Variants in IGSF21 observed in about 807,000 individuals in gnomAD.
IGSF21 encodes immunoglobin superfamily member 21.
Under a neutral mutation model 46.8 loss-of-function variants are expected in IGSF21, and 28 were observed. That is an observed-to-expected ratio of 0.60 (90% CI 0.44 to 0.82). The LOEUF (loss-of-function observed/expected upper bound fraction) is 0.82, where lower values mean the gene tolerates loss of function less well. IGSF21 is among the 40% of genes least tolerant of loss of function. The pLI is 0.00. For missense variants in IGSF21, 624 were observed against 665.5 expected (o/e 0.94, Z 0.69); for synonymous variants, 284 against 273.6 (o/e 1.04, Z -0.38).
At chr1:18,141,987 T>G (rs1423513672) in intron 1 of IGSF21, among the ~76,000 whole-genome samples, 5 of 152,118 alleles carry the variant, frequency 3.3e-5, no homozygotes, top group Non-Finnish European at 7.4e-5. Context: ...GGAGGATTAC[T>G]TGAGCCCCGG....
intron 2 of IGSF21, among the ~76,000 whole-genome samples, chr1:18,247,169 T>A (rs532241856): frequency 6.6e-6 from 1 of 150,516 alleles, no homozygotes; most frequent in African/African-American, 2.4e-5. Flanking sequence ...ACTGCCACTC[T>A]ACCCGTTTTC....
At chr1:18,261,600 T>C (rs1018479391) in intron 2 of IGSF21, among the ~76,000 whole-genome samples, 42 of 152,248 alleles carry the variant, frequency 2.8e-4, no homozygotes, top group African/African-American at 9.6e-4. Context: ...CAACTGCCTC[T>C]GAGCTATGAC....
chr1:18,306,110 G>A (rs2085424151), intron 3 of IGSF21, among the ~76,000 whole-genome samples: 1 of 152,122 alleles, frequency 6.6e-6, no homozygotes, highest in Non-Finnish European at 1.5e-5. Flanking sequence ...CCCTCCATGG[G>A]CTTCCCACTC....
chr1:18,375,411 C>A (rs183079278), intron 6 of IGSF21, among the ~76,000 whole-genome samples: 3 of 152,258 alleles, frequency 2.0e-5, no homozygotes. Context: ...CTACATTATC[C>A]GTGGAGCTCT....
rs7522562 is a variant in IGSF21, at chr1:18,375,170, C to T, written c.1016-1140C>T. Among the ~76,000 whole-genome samples, 1,142 of 152,268 alleles carry T rather than the reference C, an allele frequency of 7.5e-3. 11 individuals carry two copies. Among genetic ancestry groups the T allele is most frequent in the Middle Eastern group, 0.037 (11 of 294 alleles). On this transcript the variant is annotated intron_variant, in intron 6 of 9. Transcript: ENST00000251296. ...GCACTGTCACTCTCATCCTGTTTTG[C>T]GTATGTGTTTGTTTGCTTATGAACT...
At chr1:18,282,915 G>A (rs1234668219) in intron 2 of IGSF21, among the ~76,000 whole-genome samples, 1 of 152,150 alleles carries the variant, frequency 6.6e-6, no homozygotes, top group Non-Finnish European at 1.5e-5. Flanking sequence ...AGCCTCGTAG[G>A]CAGCCTGGAA....
In IGSF21 at chr1:18,337,807, C is replaced by A. The variant is rs968701836; in HGVS notation, c.424+2797C>A. Among the ~76,000 whole-genome samples the A allele has an allele frequency of 6.6e-6, 1 of 152,186 alleles. No individual in the cohort carries two copies. The stretch of plus-strand genomic sequence containing the variant: ...TTTCACATTGAGGACATCATCCAAT[C>A]CTCACTGCAGATCGGCGCGTGGGGG... On this transcript the variant is annotated intron_variant, in intron 4 of 9. Transcript: ENST00000251296. The surrounding 1 kb of genome is among the most constrained non-coding windows in gnomAD (Gnocchi z 5.7).
chr1:18,310,753 C>A (rs534762207), intron 3 of IGSF21, among the ~76,000 whole-genome samples: 1 of 152,300 alleles, frequency 6.6e-6, no homozygotes, highest in South Asian at 2.1e-4. Flanking sequence ...AGTCTGAAAT[C>A]AAGGTGTTGG....
In IGSF21 at chr1:18,337,447, T is replaced by C. The variant is rs1235007571; in HGVS notation, c.424+2437T>C. Reference sequence around the variant, plus strand: ...TTATCACTGTCTCTGATGTGCCCACTCCTGGGCACAACTGTGTCTGCCTCC... The same window carrying C: ...TTATCACTGTCTCTGATGTGCCCACCCCTGGGCACAACTGTGTCTGCCTCC... On this transcript the variant is annotated intron_variant, in intron 4 of 9. Transcript: ENST00000251296. The surrounding 1 kb of genome is among the most constrained non-coding windows in gnomAD (Gnocchi z 5.7). 2.0e-5 allele frequency among the ~76,000 whole-genome samples: 3 copies of C among 152,182 alleles called. No homozygotes were observed. The highest frequency in any genetic ancestry group is 4.4e-5 in the Non-Finnish European group (3 of 68,020).
rs149989644 is a variant in IGSF21 at position 18,264,668 on chromosome 1, C to T, written c.184-27198C>T. ...ACAGAACATACAGGAGCTATGTCTG[C>T]CCCCAGACCGGTTGGTGCAAATGTA... On this transcript the variant is annotated intron_variant, in intron 2 of 9. Transcript: ENST00000251296. Among the ~76,000 whole-genome samples the T allele has an allele frequency of 1.9e-3, 284 of 152,292 alleles. 1 individual carries two copies. The highest frequency in any genetic ancestry group is 6.4e-3 in the African/African-American group (265 of 41,556).
chr1:18,172,697 A>C (rs2086750907), intron 1 of IGSF21, among the ~76,000 whole-genome samples: 1 of 152,214 alleles, frequency 6.6e-6, no homozygotes, highest in Non-Finnish European at 1.5e-5. Context: ...CCTACCTGCA[A>C]ATGCAGTCAC....
intron 3 of IGSF21, among the ~76,000 whole-genome samples, chr1:18,321,007 G>A (rs746378426): frequency 6.6e-6 from 1 of 152,224 alleles, no homozygotes; most frequent in Non-Finnish European, 1.5e-5. Flanking sequence ...TCTCTGAATT[G>A]CAGTGCTCTG....
chr1:18,271,325 AT>A (rs2085040695), intron 2 of IGSF21, among the ~76,000 whole-genome samples: 1 of 152,162 alleles, frequency 6.6e-6, no homozygotes, highest in Non-Finnish European at 1.5e-5. Flanking sequence ...GTGATGTAGA[AT>A]TAAGGTGATC....
chr1:18,231,429 G>T (rs2084624584), intron 2 of IGSF21, among the ~76,000 whole-genome samples: 1 of 152,128 alleles, frequency 6.6e-6, no homozygotes, highest in Admixed American at 6.5e-5. Context: ...AGCGGCAAGA[G>T]CCTGACTCTT....
chr1:18,282,494 A>G (rs184051331), intron 2 of IGSF21, among the ~76,000 whole-genome samples: 1 of 152,160 alleles, frequency 6.6e-6, no homozygotes, highest in African/African-American at 2.4e-5. Context: ...GCTCCCATGC[A>G]TGTGTCTGAT....
At chr1:18,256,771 G>A (rs1279140850) in intron 2 of IGSF21, among the ~76,000 whole-genome samples, 1 of 152,160 alleles carries the variant, frequency 6.6e-6, no homozygotes, top group African/African-American at 2.4e-5. Context: ...CAGGGGAGGA[G>A]ACATCCCAGC....
chr1:18,131,260 A>G (rs2086318939), intron 1 of IGSF21, among the ~76,000 whole-genome samples: 1 of 152,176 alleles, frequency 6.6e-6, no homozygotes, highest in South Asian at 2.1e-4. Context: ...GCTCAGACAT[A>G]AACTCCCAAC....
At chr1:18,207,070 A>T (rs1360721503) in intron 1 of IGSF21, among the ~76,000 whole-genome samples, 1 of 152,134 alleles carries the variant, frequency 6.6e-6, no homozygotes. Flanking sequence ...TTCCAAACCC[A>T]TTTAAGTTGT....
intron 1 of IGSF21, among the ~76,000 whole-genome samples, chr1:18,152,998 A>G (rs2086534495): frequency 6.6e-6 from 1 of 152,168 alleles, no homozygotes; most frequent in Non-Finnish European, 1.5e-5. Context: ...CATAGCTATG[A>G]TGGAAAAGCA....
Sources: allele counts gnomAD v4.1 joint callset (sites outside exome capture counted in the v4.1 genomes callset), GRCh38; gene constraint gnomAD v4.1.1; non-coding constraint Gnocchi (gnomAD v3.1); transcripts MANE v1.5; gene names NCBI Gene and HGNC (gene_info 2026-07-23, HGNC 2026-07-21).